CHD8: variants seen among roughly 807,000 people sequenced by gnomAD.
CHD8 encodes the protein chromodomain helicase DNA binding protein 8, also known as ATP-dependent chromatin remodeler CHD8.
CHD8 carries 31 observed loss-of-function variants against 279.2 expected under a neutral mutation model. The ratio of observed to expected loss-of-function variants is 0.11; its 90% CI spans 0.08 to 0.15. The LOEUF is 0.15. CHD8 is among the 10% of genes least tolerant of loss of function. The pLI is 1.00. For synonymous variants in CHD8, 1,081 were observed against 1,139.6 expected (o/e 0.95, Z 1.04); for missense variants, 2,146 against 3,230.5 (o/e 0.66, Z 8.14).
chr14:21,428,300 TG>T (rs1156925752), intron 3 of CHD8, 46 bp from the exon 4 acceptor site: 1 of 1,579,902 alleles, frequency 6.3e-7, no homozygotes, highest in African/African-American at 1.4e-5. Flanking sequence ...TGTAGTTAAA[TG>T]GCCTAAATAA....
At chr14:21,453,894 G>A (rs1176120009) in intron 1 of CHD8, among the ~76,000 whole-genome samples, 1 of 151,768 alleles carries the variant, frequency 6.6e-6, no homozygotes, top group East Asian at 1.9e-4. Flanking sequence ...AGTGGCTCAT[G>A]CCTGTAATCC....
rs1468913728 is a variant in CHD8 at position 21,385,858 on chromosome 14, G to A, written c.7501C>T (p.Pro2501Ser). 1 of 1,548,520 alleles carries A rather than the reference G, an allele frequency of 6.5e-7. No individual in the cohort carries two copies. The highest frequency in any genetic ancestry group is 8.7e-7 in the Non-Finnish European group (1 of 1,145,596). ...MLHHHHHHPH[P>S]HHHHHHHPGL... ...GGATGGTGATGGTGGTGATGGTGGG[G>A]GTGGGGGTGGTGGTGGTGGTGATGA... The change falls in exon 38 of 38, where the codon CCC (proline) becomes TCC (serine). Residue 2501 changes from proline (P) to serine (S), a missense_variant. Around this residue, in one of 26 missense-constraint regions of CHD8, gnomAD observed 336 missense variants for 392.9 expected, o/e 0.86. Transcript: ENST00000646647.
At chr14:21,447,408 G>A (rs1046938769) in intron 1 of CHD8, among the ~76,000 whole-genome samples, 1 of 144,328 alleles carries the variant, frequency 6.9e-6, no homozygotes, top group Non-Finnish European at 1.5e-5. Flanking sequence ...GTCTCCCCAT[G>A]TTGCCCAGGT....
chr14:21,449,187 A>T (rs948003147), intron 1 of CHD8, among the ~76,000 whole-genome samples: 5 of 152,044 alleles, frequency 3.3e-5, no homozygotes, highest in Admixed American at 3.3e-4. Flanking sequence ...ATAAATAAAT[A>T]AAATAAAATA....
At chr14:21,399,020 C>G in intron 26 of CHD8, 1 of 406,140 alleles carries the variant, frequency 2.5e-6, no homozygotes, top group Non-Finnish European at 4.9e-6. Flanking sequence ...AGATCCACGA[C>G]AAGGAGGGCA....
At chr14:21,391,087 C>T (rs746598493) in intron 36 of CHD8, 24 bp from the exon 37 acceptor site, 5 of 1,390,136 alleles carry the variant, frequency 3.6e-6, no homozygotes, top group Non-Finnish European at 4.0e-6. Context: ...AATCAGTTAT[C>T]CTAGAGGAAT....
rs1016310775 is a variant in CHD8 at position 21,402,248 on chromosome 14, G to T, written c.3882+88C>A. The T allele has an allele frequency of 1.3e-6, 2 of 1,521,508 alleles. No individual in the cohort carries two copies. Among genetic ancestry groups the T allele is most frequent in the African/African-American group, 2.8e-5 (2 of 72,672 alleles). 94.3% of individuals were successfully genotyped at this position (1,521,508 alleles called of 1,614,324 possible). A position where few individuals can be genotyped will look rare whatever the true frequency, so the allele number is the denominator to read the frequency against. On this transcript the variant is annotated intron_variant, in intron 19 of 37. Transcript: ENST00000646647. The surrounding 1 kb of genome is among the most constrained non-coding windows in gnomAD (Gnocchi z 4.5). ...AATAATAATTGAGAATCCAAACAAG[G>T]TAGTCAAATCCCTGTGTACAAATAG...
chr14:21,417,863 A>AT (rs1329765463), intron 5 of CHD8, among the ~76,000 whole-genome samples: 83 of 137,768 alleles, frequency 6.0e-4, no homozygotes, highest in African/African-American at 1.7e-3. Flanking sequence ...AAAAAAAAAA[A>AT]AAATATATAT....
At chr14:21,423,851 C>T (rs926972535) in intron 5 of CHD8, among the ~76,000 whole-genome samples, 1 of 152,078 alleles carries the variant, frequency 6.6e-6, no homozygotes, top group Non-Finnish European at 1.5e-5. Context: ...GTACTATTAC[C>T]CACATTTCAA....
In CHD8 at chr14:21,439,252, T is replaced by C. The variant is rs77879642; in HGVS notation, c.-215-7394A>G. 4.3e-3 allele frequency among the ~76,000 whole-genome samples: 649 copies of C among 152,318 alleles called. 19 individuals carry two copies. The East Asian group carries it at 0.073, about 17-fold the overall frequency. ...ATTAGGAAAATCAACTTGCTTTAGA[T>C]GTCTTATTTTTTAAAGATCCTAGCA... On this transcript the variant is annotated intron_variant, in intron 1 of 37. Transcript: ENST00000646647.
chr14:21,404,280 T>G (rs1888164964), intron 16 of CHD8, among the ~76,000 whole-genome samples: 1 of 150,748 alleles, frequency 6.6e-6, no homozygotes, highest in Non-Finnish European at 1.5e-5. Flanking sequence ...GCGCCTGTAA[T>G]CCCAGCTACT....
At chr14:21,454,753 T>G (rs1003798396) in intron 1 of CHD8, among the ~76,000 whole-genome samples, 2 of 152,208 alleles carry the variant, frequency 1.3e-5, no homozygotes, top group African/African-American at 4.8e-5. Flanking sequence ...ATGGAAAATG[T>G]TTTTCTTATC....
chr14:21,397,499 C>T (rs535949564), intron 27 of CHD8: 4 of 390,034 alleles, frequency 1.0e-5, no homozygotes, highest in East Asian at 6.8e-5. Context: ...ACAGAAGCAA[C>T]GTATGAGAGC....
intron 8 of CHD8, 103 bp downstream of exon 8, chr14:21,414,835 C>T (rs1263644134): frequency 1.1e-5 from 9 of 819,918 alleles, no homozygotes; most frequent in Non-Finnish European, 1.8e-5. Context: ...ACCTGGGCTA[C>T]AAGACTATAA....
chr14:21,387,770 C>T (rs1175166598), intron 37 of CHD8, among the ~76,000 whole-genome samples: 6 of 142,622 alleles, frequency 4.2e-5, no homozygotes, highest in Admixed American at 7.1e-5. Flanking sequence ...CATGCCACTG[C>T]ACTCCAGCCT....
At position 21,405,745 on chromosome 14, in the gene CHD8, A is replaced by C; in HGVS notation, c.3027T>G (p.Phe1009Leu). 6.2e-7 allele frequency: 1 copy of C among 1,613,918 alleles called. No homozygotes were observed. Among genetic ancestry groups the C allele is most frequent in the Non-Finnish European group, 8.5e-7 (1 of 1,179,852 alleles). ...FPSESEFLKD[F>L]GDLKTEEQVQ... ...CCTGTTCCTCTGTCTTGAGATCCCC[A>C]AAGTCCTTGAGAAACTCTGATTCTG... Residue 1009 changes from phenylalanine to leucine, a missense_variant, in exon 15 of 38, where the codon TTT (phenylalanine) becomes TTG (leucine). This residue lies in a region of CHD8 where 211 missense variants were observed against 464.7 expected (regional missense o/e 0.45). Transcript: ENST00000646647. The surrounding 1 kb of genome is among the most constrained non-coding windows in gnomAD (Gnocchi z 4.2).
At chr14:21,436,133 A>G (rs1889771542) in intron 1 of CHD8, among the ~76,000 whole-genome samples, 1 of 152,238 alleles carries the variant, frequency 6.6e-6, no homozygotes, top group Non-Finnish European at 1.5e-5. Context: ...TTTAGAAAGT[A>G]CCACTCATGA....
intron 33 of CHD8, 73 bp from the exon 34 acceptor site, chr14:21,392,882 G>A (rs1887610991): frequency 1.4e-6 from 2 of 1,442,142 alleles, no homozygotes; most frequent in Admixed American, 1.8e-5. Context: ...ATACTCAATA[G>A]TGCCATCACT....
At chr14:21,434,457 C>T (rs911645002) in intron 1 of CHD8, among the ~76,000 whole-genome samples, 6 of 151,822 alleles carry the variant, frequency 4.0e-5, no homozygotes, top group Non-Finnish European at 5.9e-5. Context: ...TAATGCTCTT[C>T]CTTTCCCCCA....
Sources: gnomAD v4.1 joint callset for allele counts (sites outside exome capture counted in the v4.1 genomes callset) on GRCh38, gnomAD v4.1.1 for gene constraint, gnomAD v4.1.1 regional missense constraint, Gnocchi (gnomAD v3.1) non-coding constraint, MANE v1.5 for transcripts, NCBI Gene and HGNC (gene_info 2026-07-23, HGNC 2026-07-21) for gene names.